Variants in ZFPM2 observed in about 807,000 individuals in gnomAD.
ZFPM2 encodes zinc finger protein ZFPM2.
In ZFPM2, 20 loss-of-function variants were observed where a neutral mutation model predicts 98.6. That is an observed-to-expected ratio of 0.20 (90% CI 0.14 to 0.29). The LOEUF is 0.29. ZFPM2 is among the 10% of genes least tolerant of loss of function. The pLI is 1.00. For missense variants in ZFPM2, 1,310 were observed against 1,388.6 expected (o/e 0.94, Z 0.90); for synonymous variants, 518 against 502.7 (o/e 1.03, Z -0.41).
chr8:105,489,466 A>ATATATATATATATATATATATTTT (rs1554610604), intron 3 of ZFPM2, among the ~76,000 whole-genome samples: 3 of 119,774 alleles, frequency 2.5e-5, no homozygotes, highest in Admixed American at 9.0e-5. Flanking sequence ...ATATATATAT[A>ATATATATATATATATATATATTTT]TTTTTTTTTT....
intron 2 of ZFPM2, among the ~76,000 whole-genome samples, chr8:105,427,345 T>C (rs1168933247): frequency 1.3e-5 from 2 of 152,170 alleles, no homozygotes; most frequent in Non-Finnish European, 2.9e-5. Context: ...AAATGACCCA[T>C]GGTCATTTAT....
At chr8:105,738,533 A>G (rs1812140408) in intron 5 of ZFPM2, among the ~76,000 whole-genome samples, 1 of 152,102 alleles carries the variant, frequency 6.6e-6, no homozygotes, top group Non-Finnish European at 1.5e-5. Context: ...TTGGGTATAT[A>G]CCCAGTAATG....
At chr8:105,793,794 C>G (rs973746811) in intron 6 of ZFPM2, among the ~76,000 whole-genome samples, 1 of 149,504 alleles carries the variant, frequency 6.7e-6, no homozygotes, top group Non-Finnish European at 1.5e-5. Flanking sequence ...TCTTTTTATT[C>G]TTTTTTCTCT....
At chr8:105,746,632 G>A (rs1271109386) in intron 5 of ZFPM2, among the ~76,000 whole-genome samples, 3 of 139,326 alleles carry the variant, frequency 2.2e-5, no homozygotes, top group Non-Finnish European at 3.1e-5. Flanking sequence ...GTTTTCTTGC[G>A]TTTTCTTGTT....
At chr8:105,394,353 ACT>A in intron 1 of ZFPM2, among the ~76,000 whole-genome samples, 1 of 152,096 alleles carries the variant, frequency 6.6e-6, no homozygotes, top group African/African-American at 2.4e-5. Context: ...TGACATGCTA[ACT>A]CTGTGGAAAT....
chr8:105,491,831 G>A (rs922538863), intron 3 of ZFPM2, among the ~76,000 whole-genome samples: 1 of 152,202 alleles, frequency 6.6e-6, no homozygotes, highest in Non-Finnish European at 1.5e-5. Flanking sequence ...GAGTGACTTA[G>A]TGGTTATAGA....
intron 5 of ZFPM2, among the ~76,000 whole-genome samples, chr8:105,734,896 T>A (rs1332973006): frequency 6.6e-6 from 1 of 151,434 alleles, no homozygotes; most frequent in South Asian, 2.1e-4. Flanking sequence ...TTTGCACTTA[T>A]AATATCTATA....
chr8:105,482,995 T>TTTCCTTCCTCCCTTCC (rs1813152936), intron 3 of ZFPM2, among the ~76,000 whole-genome samples: 1 of 51,406 alleles, frequency 1.9e-5, no homozygotes, highest in African/African-American at 8.4e-5. Flanking sequence ...CCCCCCATCC[T>TTTCCTTCCTCCCTTCC]TTCCTTCCTT....
intron 6 of ZFPM2, chr8:105,795,741 AT>A: frequency 4.5e-6 from 2 of 441,676 alleles, no homozygotes; most frequent in Non-Finnish European, 4.5e-6. Context: ...CTTAGTTTGT[AT>A]TTTTGTGTCA....
chr8:105,789,496 T>G (rs1174863240), intron 6 of ZFPM2, among the ~76,000 whole-genome samples: 1 of 152,204 alleles, frequency 6.6e-6, no homozygotes, highest in South Asian at 2.1e-4. Context: ...GTTGGACATT[T>G]GGGTTGGTTC....
At chr8:105,466,622 A>G (rs1156644970) in intron 3 of ZFPM2, among the ~76,000 whole-genome samples, 1 of 152,076 alleles carries the variant, frequency 6.6e-6, no homozygotes, top group African/African-American at 2.4e-5. Flanking sequence ...GAGGGGGTAC[A>G]TTAACTGCCA....
At chr8:105,723,904 C>T (rs921601592) in intron 5 of ZFPM2, among the ~76,000 whole-genome samples, 1 of 151,646 alleles carries the variant, frequency 6.6e-6, no homozygotes, top group South Asian at 2.1e-4. Context: ...TATTCTTTCT[C>T]CTCAATGATT....
At chr8:105,676,864 T>C (rs990869104) in intron 5 of ZFPM2, among the ~76,000 whole-genome samples, 3 of 152,122 alleles carry the variant, frequency 2.0e-5, no homozygotes, top group African/African-American at 4.8e-5. Flanking sequence ...ACTTTAAACT[T>C]GTCAAAAAGT....
chr8:105,341,166 C>G (rs1317348227), intron 1 of ZFPM2, among the ~76,000 whole-genome samples: 1 of 151,906 alleles, frequency 6.6e-6, no homozygotes, highest in East Asian at 1.9e-4. Context: ...AGGTATAGAA[C>G]ATACCCTCGT....
chr8:105,395,812 G>T (rs370870104), intron 1 of ZFPM2, among the ~76,000 whole-genome samples: 12 of 152,132 alleles, frequency 7.9e-5, no homozygotes, highest in African/African-American at 2.7e-4. Context: ...GAATTTCTGA[G>T]ACTTACTCAC....
chr8:105,538,033 A>G (rs1218809493), intron 3 of ZFPM2, among the ~76,000 whole-genome samples: 4 of 152,128 alleles, frequency 2.6e-5, no homozygotes, highest in South Asian at 2.1e-4. Flanking sequence ...TTGACAACAA[A>G]TCTTTGCTAA....
At chr8:105,626,661 A>G (rs1425251506) in intron 4 of ZFPM2, among the ~76,000 whole-genome samples, 3 of 152,024 alleles carry the variant, frequency 2.0e-5, no homozygotes, top group African/African-American at 7.2e-5. Context: ...TGTAATGTCT[A>G]TAGTAATTTT....
chr8:105,337,442 A>G (rs866962810), intron 1 of ZFPM2, among the ~76,000 whole-genome samples: 2 of 151,960 alleles, frequency 1.3e-5, no homozygotes, highest in African/African-American at 2.4e-5. Flanking sequence ...TCACACTTTC[A>G]TATACATAGA....
chr8:105,390,593 A>G (rs1194016167), intron 1 of ZFPM2, among the ~76,000 whole-genome samples: 2 of 152,188 alleles, frequency 1.3e-5, no homozygotes, highest in African/African-American at 4.8e-5. Context: ...ACTCCCCCGT[A>G]TCCTCCTCTA....
Sources: gnomAD v4.1 joint callset for allele counts (sites outside exome capture counted in the v4.1 genomes callset) on GRCh38, gnomAD v4.1.1 for gene constraint, MANE v1.5 for transcripts, NCBI Gene and HGNC (gene_info 2026-07-23, HGNC 2026-07-21) for gene names.